ASIC2: variants seen among roughly 807,000 people sequenced by gnomAD.
ASIC2 encodes the protein acid-sensing ion channel 2.
ASIC2 carries 25 observed loss-of-function variants against 57.3 expected under a neutral mutation model. That is an observed-to-expected ratio of 0.44 (90% CI 0.32 to 0.61). ASIC2 has a LOEUF of 0.61. ASIC2 is among the 20% of genes least tolerant of loss of function. The probability of loss-of-function intolerance (pLI) is 0.06; values close to 1 mark genes in which losing one functional copy is unlikely to be tolerated. For synonymous variants in ASIC2, 319 were observed against 307.5 expected (o/e 1.04, Z -0.39); for missense variants, 641 against 738.1 (o/e 0.87, Z 1.52).
intron 1 of ASIC2, among the ~76,000 whole-genome samples, chr17:33,224,293 G>A (rs544336237): frequency 2.8e-4 from 43 of 152,338 alleles, no homozygotes; most frequent in Non-Finnish European, 5.4e-4. Flanking sequence ...ATGATTATTG[G>A]TAATCTCCAG....
Position 33,712,473 on chromosome 17 carries a change from C to T in ASIC2, c.555+443505G>A, listed in dbSNP as rs1180349505. ...TTGATGGCTTAAAGCAAAGGATGTACTATTTCACAGTTTCTGTGGGTAAAG... is the reference window on the plus strand; with the variant it reads ...TTGATGGCTTAAAGCAAAGGATGTATTATTTCACAGTTTCTGTGGGTAAAG... On this transcript the variant is annotated intron_variant, in intron 1 of 9. Coordinates refer to the ASIC2 transcript ENST00000359872. 2.6e-5 allele frequency among the ~76,000 whole-genome samples: 4 copies of T among 152,096 alleles called. No homozygotes were observed. In the East Asian group the frequency reaches 7.7e-4, roughly 29 times the overall value.
At chr17:33,595,625 C>A (rs1217817515) in intron 1 of ASIC2, among the ~76,000 whole-genome samples, 2 of 152,232 alleles carry the variant, frequency 1.3e-5, no homozygotes. Context: ...CTAATCAGAT[C>A]TGAGTTTAAA....
intron 1 of ASIC2, among the ~76,000 whole-genome samples, chr17:33,284,795 G>T (rs1015441108): frequency 1.3e-5 from 2 of 152,158 alleles, no homozygotes; most frequent in Non-Finnish European, 2.9e-5. Flanking sequence ...CATTCATGCT[G>T]TTAAAATTGA....
intron 1 of ASIC2, among the ~76,000 whole-genome samples, chr17:33,926,466 C>A (rs1359928599): frequency 2.0e-5 from 3 of 152,030 alleles, no homozygotes; most frequent in Admixed American, 2.0e-4. Flanking sequence ...ATACACATAG[C>A]CTGAAGATAA....
intron 1 of ASIC2, among the ~76,000 whole-genome samples, chr17:33,229,576 G>A (rs920724190): frequency 4.6e-5 from 7 of 152,228 alleles, no homozygotes; most frequent in Admixed American, 2.6e-4. Flanking sequence ...ATGCAAAAGG[G>A]AGAGGGAAGA....
chr17:33,393,047 G>A (rs1315813501), intron 1 of ASIC2, among the ~76,000 whole-genome samples: 1 of 152,014 alleles, frequency 6.6e-6, no homozygotes, highest in African/African-American at 2.4e-5. Flanking sequence ...TACCTCTCAT[G>A]CAGCCCATTG....
At chr17:33,876,538 A>G (rs529778029) in intron 1 of ASIC2, among the ~76,000 whole-genome samples, 1 of 152,206 alleles carries the variant, frequency 6.6e-6, no homozygotes, top group African/African-American at 2.4e-5. Context: ...TGATTGTACT[A>G]TCTCCATTTA....
At chr17:33,589,694 G>T (rs965725045) in intron 1 of ASIC2, among the ~76,000 whole-genome samples, 9 of 152,154 alleles carry the variant, frequency 5.9e-5, no homozygotes, top group African/African-American at 2.2e-4. Flanking sequence ...TTACGAATCA[G>T]TATTTCCTTC....
intron 1 of ASIC2, among the ~76,000 whole-genome samples, chr17:33,767,106 T>G (rs184866856): frequency 1.5e-4 from 23 of 152,378 alleles, no homozygotes; most frequent in Admixed American, 1.5e-3. Flanking sequence ...GCATCTGCTC[T>G]GCTGACCTTG....
upstream of ASIC2, among the ~76,000 whole-genome samples, chr17:33,297,942 T>C (rs1482358847): frequency 2.1e-5 from 3 of 143,972 alleles, no homozygotes; most frequent in African/African-American, 7.8e-5. Context: ...ATCTCTTTTT[T>C]CCCCTTTCTC....
At chr17:33,991,222 A>T (rs1351220881) in intron 1 of ASIC2, among the ~76,000 whole-genome samples, 1 of 152,210 alleles carries the variant, frequency 6.6e-6, no homozygotes, top group South Asian at 2.1e-4. Context: ...GATGAGGATG[A>T]TGGAGTCAGA....
In ASIC2 at chr17:34,012,442, A is replaced by G. The variant is rs374445658; in HGVS notation, c.555+143536T>C. On this transcript the variant is annotated intron_variant, in intron 1 of 9. Coordinates refer to the ASIC2 transcript ENST00000359872. The stretch of plus-strand genomic sequence containing the variant: ...TACTCGAACATTTTCATGCGGTTGC[A>G]CATCCCACAACTGGCCTGGGTACTG... Among the ~76,000 whole-genome samples, 122 of 152,278 alleles carry G rather than the reference A, an allele frequency of 8.0e-4. 1 individual carries two copies. In the East Asian group the frequency reaches 0.019, roughly 24 times the overall value.
chr17:34,088,928 G>A (rs1005626526), intron 1 of ASIC2, among the ~76,000 whole-genome samples: 8 of 152,168 alleles, frequency 5.3e-5, no homozygotes, highest in African/African-American at 1.9e-4. Flanking sequence ...GATTTTCCAG[G>A]TGCCGTCTGT....
At chr17:33,284,900 A>G (rs1191157752) in intron 1 of ASIC2, among the ~76,000 whole-genome samples, 1 of 152,208 alleles carries the variant, frequency 6.6e-6, no homozygotes, top group Admixed American at 6.5e-5. Flanking sequence ...TTTTAGACTC[A>G]GTCACTCCGA....
At chr17:33,369,460 T>G (rs1286993309) in intron 1 of ASIC2, among the ~76,000 whole-genome samples, 2 of 152,166 alleles carry the variant, frequency 1.3e-5, no homozygotes, top group Non-Finnish European at 2.9e-5. Context: ...TCCTTTCCCT[T>G]TTTGTAAATG....
chr17:34,087,030 T>C (rs572355991), intron 1 of ASIC2, among the ~76,000 whole-genome samples: 23 of 152,234 alleles, frequency 1.5e-4, no homozygotes, highest in Non-Finnish European at 2.4e-4. Flanking sequence ...GAGCATTTAG[T>C]CCATTTACAT....
At chr17:33,706,416 G>T (rs1056860745) in intron 1 of ASIC2, among the ~76,000 whole-genome samples, 1 of 151,290 alleles carries the variant, frequency 6.6e-6, no homozygotes, top group African/African-American at 2.4e-5. Flanking sequence ...TAGAGACAAG[G>T]TTTCACGACG....
intron 1 of ASIC2, among the ~76,000 whole-genome samples, chr17:33,889,467 C>A (rs1366111834): frequency 2.0e-5 from 3 of 152,064 alleles, no homozygotes; most frequent in Non-Finnish European, 4.4e-5. Context: ...TAAGATTTGC[C>A]ATCATTATTA....
At chr17:33,099,388 TGA>T (rs2141975715) in intron 2 of ASIC2, among the ~76,000 whole-genome samples, 1 of 152,212 alleles carries the variant, frequency 6.6e-6, no homozygotes, top group East Asian at 1.9e-4. Flanking sequence ...TAGGAGTGTA[TGA>T]GGATCAGTGG....
Sources: gnomAD v4.1 joint callset for allele counts (sites outside exome capture counted in the v4.1 genomes callset) on GRCh38, gnomAD v4.1.1 for gene constraint, MANE v1.5 for transcripts, NCBI Gene and HGNC (gene_info 2026-07-23, HGNC 2026-07-21) for gene names.